Variants in ITGA1 observed in about 807,000 individuals in gnomAD.
The protein encoded by ITGA1 is integrin subunit alpha 1, also known as integrin alpha-1.
ITGA1 carries 85 observed loss-of-function variants against 145.9 expected under a neutral mutation model. The ratio of observed to expected loss-of-function variants is 0.58; its 90% CI spans 0.49 to 0.70. The LOEUF (loss-of-function observed/expected upper bound fraction) is 0.70. Among genes scored for constraint, ITGA1 ranks in the 30% least tolerant of loss-of-function variants. The pLI, the probability that ITGA1 is intolerant of heterozygous loss-of-function variation, is 0.00. For missense variants in ITGA1, 1,351 were observed against 1,418.7 expected, an observed-to-expected ratio of 0.95 and a Z score of 0.77; for synonymous variants, 520 against 495.3, an observed-to-expected ratio of 1.05 and a Z score of -0.66.
At position 52,959,169 on chromosome 5, in the gene ITGA1, T is replaced by C. The variant is rs1751344344; in HGVS notation, c.*6718T>C. The C allele has an allele frequency of 6.6e-6, 1 of 152,168 alleles. No individual in the cohort carries two copies. The highest frequency in any genetic ancestry group is 6.5e-5 in the Admixed American group (1 of 15,270). The allele number at this position is 152,168 out of a possible 1,614,324, so 9.4% of individuals were successfully genotyped here. A position where few individuals can be genotyped will look rare whatever the true frequency, so the allele number is the denominator to read the frequency against. The stretch of plus-strand genomic sequence containing the variant: ...TTTACGTCAAGGTAAATGAGCATCC[T>C]GTTTTATATGTTAAATTTTAAAAAT... On this transcript the variant is annotated 3_prime_UTR_variant, in exon 29 of 29. Coordinates refer to ENST00000282588, the MANE Select transcript of ITGA1 (RefSeq NM_181501.2).
intron 1 of ITGA1, among the ~76,000 whole-genome samples, chr5:52,836,812 ATAGT>A (rs1481924724): frequency 6.6e-6 from 1 of 152,148 alleles, no homozygotes; most frequent in Non-Finnish European, 1.5e-5. Context: ...CATTGTTGAA[ATAGT>A]TAAGAAAATA....
At chr5:52,879,579 T>C (rs1045542497) in intron 6 of ITGA1, among the ~76,000 whole-genome samples, 1 of 152,228 alleles carries the variant, frequency 6.6e-6, no homozygotes, top group Non-Finnish European at 1.5e-5. Context: ...AAAAGAATTT[T>C]AAATTTATGC....
In ITGA1 at chr5:52,819,108, C is replaced by T. The variant is rs182504429; in HGVS notation, c.62-30257C>T. On this transcript the variant is annotated intron_variant, in intron 1 of 28. Coordinates refer to ENST00000282588, the MANE Select transcript of ITGA1 (RefSeq NM_181501.2). ...TGTGAATAGTGCCGCAATAAACACA[C>T]GTGTGCATGTGTCTTTATAGCAGCA... Among the ~76,000 whole-genome samples, 663 of 152,246 alleles carry T rather than the reference C, an allele frequency of 4.4e-3. 8 individuals are homozygous for T. The highest frequency in any genetic ancestry group is 0.015 in the African/African-American group (636 of 41,544).
chr5:52,903,559 A>G (rs534717817), intron 11 of ITGA1: 11 of 152,324 alleles, frequency 7.2e-5, no homozygotes, highest in Non-Finnish European at 1.6e-4. Flanking sequence ...GTAAGAATAA[A>G]CATACTGTAT....
At chr5:52,834,544 GAA>G (rs1749125549) in intron 1 of ITGA1, among the ~76,000 whole-genome samples, 1 of 121,572 alleles carries the variant, frequency 8.2e-6, no homozygotes, top group Non-Finnish European at 1.8e-5. Context: ...GAAAGAGAAA[GAA>G]AGAGAAAGAG....
chr5:52,858,012 C>G (rs1291797773), intron 2 of ITGA1, among the ~76,000 whole-genome samples: 1 of 152,190 alleles, frequency 6.6e-6, no homozygotes, highest in African/African-American at 2.4e-5. Flanking sequence ...CGAACTAAGA[C>G]AGCTTATATC....
chr5:52,954,138 T>G lies in ITGA1; in HGVS notation c.*1687T>G, dbSNP rs1162969819. The stretch of plus-strand genomic sequence containing the variant: ...TTGGTGTCCTCTTGCTGGCCTGTCA[T>G]TATTTGGAAATACGCGCTTTTGGAA... On this transcript the variant is annotated 3_prime_UTR_variant, in exon 29 of 29. Transcript: ENST00000282588. 6.6e-6 allele frequency: 1 copy of G among 152,112 alleles called. No homozygotes were observed. The highest frequency in any genetic ancestry group is 1.5e-5 in the Non-Finnish European group (1 of 67,996). 9.4% of individuals were successfully genotyped at this position (152,112 alleles called of 1,614,324 possible).
At chr5:52,910,062 C>A in intron 13 of ITGA1, 100 bp from the exon 14 acceptor site, 1 of 1,157,170 alleles carries the variant, frequency 8.6e-7, no homozygotes, top group Non-Finnish European at 1.2e-6. Context: ...CACTAATGTA[C>A]AAATGGCTGT....
intron 14 of ITGA1, among the ~76,000 whole-genome samples, chr5:52,913,608 G>A (rs963608912): frequency 6.6e-6 from 1 of 152,130 alleles, no homozygotes; most frequent in African/African-American, 2.4e-5. Flanking sequence ...GAATGTAATT[G>A]TCTGCTCTCA....
chr5:52,903,381 T>C (rs1033823097), intron 11 of ITGA1: 2 of 152,242 alleles, frequency 1.3e-5, no homozygotes, highest in Middle Eastern at 3.4e-3. Context: ...TTTAAAACAA[T>C]ATTGTGGTTA....
intron 2 of ITGA1, among the ~76,000 whole-genome samples, chr5:52,858,911 T>C (rs1227074441): frequency 6.6e-6 from 1 of 152,170 alleles, no homozygotes; most frequent in Non-Finnish European, 1.5e-5. Context: ...CTCCATTTTA[T>C]AGATAAAAAA....
At chr5:52,949,214 G>A (rs1298900839) in intron 28 of ITGA1, among the ~76,000 whole-genome samples, 2 of 152,176 alleles carry the variant, frequency 1.3e-5, no homozygotes, top group Non-Finnish European at 2.9e-5. Context: ...CTTACTATGT[G>A]CAGGGAGCTA....
intron 1 of ITGA1, chr5:52,802,330 T>C (rs1327902386): frequency 1.3e-5 from 2 of 152,340 alleles, no homozygotes; most frequent in Non-Finnish European, 1.5e-5. Flanking sequence ...TTTTTAGATT[T>C]AAATAGTTTT....
At chr5:52,926,018 TAATC>T (rs1750799897) in intron 19 of ITGA1, among the ~76,000 whole-genome samples, 2 of 152,272 alleles carry the variant, frequency 1.3e-5, no homozygotes, top group Middle Eastern at 3.4e-3. Context: ...ATATCAGAGG[TAATC>T]AGTGTTTCCA....
chr5:52,826,760 T>G (rs566688098), intron 1 of ITGA1, among the ~76,000 whole-genome samples: 1 of 152,334 alleles, frequency 6.6e-6, no homozygotes, highest in South Asian at 2.1e-4. Context: ...TACAGCATAG[T>G]TAACTGCATA....
intron 2 of ITGA1, among the ~76,000 whole-genome samples, chr5:52,850,513 G>C (rs1025031063): frequency 2.0e-5 from 3 of 152,046 alleles, no homozygotes; most frequent in East Asian, 3.9e-4. Flanking sequence ...AGCAAAAAGA[G>C]ATTTATATCT....
chr5:52,869,976 C>A (rs1338560490), intron 6 of ITGA1, among the ~76,000 whole-genome samples: 1 of 152,114 alleles, frequency 6.6e-6, no homozygotes, highest in African/African-American at 2.4e-5. Flanking sequence ...TGCATGTGAA[C>A]TCTTTTTAAA....
chr5:52,947,731 G>A (rs1479312332), intron 28 of ITGA1, among the ~76,000 whole-genome samples: 1 of 152,034 alleles, frequency 6.6e-6, no homozygotes, highest in African/African-American at 2.4e-5. Flanking sequence ...TAGTATGATA[G>A]GGGACTTTCA....
intron 1 of ITGA1, chr5:52,803,320 T>C (rs1311119502): frequency 7.4e-6 from 1 of 135,808 alleles, no homozygotes; most frequent in Non-Finnish European, 1.7e-5. Flanking sequence ...TTCATTATAA[T>C]TCCGTGAGTA....
Sources: allele counts gnomAD v4.1 joint callset (sites outside exome capture counted in the v4.1 genomes callset), GRCh38; gene constraint gnomAD v4.1.1; transcripts MANE v1.5; gene names NCBI Gene and HGNC (gene_info 2026-07-23, HGNC 2026-07-21).